The following PTDSS2 variants were observed in gnomAD, a reference collection of about 807,000 sequenced individuals.
PTDSS2 encodes the protein phosphatidylserine synthase 2, also known as PSS-2.
In PTDSS2, 41 loss-of-function variants were observed where a neutral mutation model predicts 64.7. The ratio of observed to expected loss-of-function variants is 0.63; its 90% CI spans 0.49 to 0.82. The LOEUF (loss-of-function observed/expected upper bound fraction) is 0.82, where lower values mean the gene tolerates loss of function less well. PTDSS2 is among the 40% of genes least tolerant of loss of function. The probability of loss-of-function intolerance (pLI) is 0.00; values close to 1 mark genes in which losing one functional copy is unlikely to be tolerated. For synonymous variants in PTDSS2, 297 were observed against 277.8 expected (o/e 1.07, Z -0.69); for missense variants, 485 against 650.0 (o/e 0.75, Z 2.76).
intron 3 of PTDSS2, among the ~76,000 whole-genome samples, chr11:474,723 A>G (rs1847644280): frequency 6.6e-6 from 1 of 152,240 alleles, no homozygotes; most frequent in African/African-American, 2.4e-5. Flanking sequence ...AATTAGAAAC[A>G]TTTTCTGTTT....
intron 1 of PTDSS2, among the ~76,000 whole-genome samples, chr11:457,968 G>A (rs977910142): frequency 2.6e-5 from 4 of 152,200 alleles, no homozygotes; most frequent in Non-Finnish European, 5.9e-5. Flanking sequence ...CTGATGCTGT[G>A]TCGTGGCTTG....
At chr11:474,118 C>T in intron 3 of PTDSS2, 141 bp downstream of exon 3, 5 of 751,054 alleles carry the variant, frequency 6.7e-6, no homozygotes, top group Middle Eastern at 2.5e-4. Flanking sequence ...CCACTTCCCA[C>T]ATGGACAAGG....
chr11:449,037 A>T (rs1455623432), upstream of PTDSS2, among the ~76,000 whole-genome samples: 1 of 150,050 alleles, frequency 6.7e-6, no homozygotes, highest in African/African-American at 2.5e-5. Context: ...CATAATGCGT[A>T]GTCTCCTGTG....
Position 462,830 on chromosome 11 carries a change from A to G in PTDSS2, c.284+2542A>G, listed in dbSNP as rs1564966505. 1 of 152,194 alleles carries G rather than the reference A, an allele frequency of 6.6e-6. No individual in the cohort carries two copies. Among genetic ancestry groups the G allele is most frequent in the East Asian group, 1.9e-4 (1 of 5,194 alleles). The allele number at this position is 152,194 out of a possible 1,614,324, so 9.4% of individuals were successfully genotyped here. On this transcript the variant is annotated intron_variant, in intron 2 of 11. Coordinates refer to ENST00000308020, the MANE Select transcript of PTDSS2 (RefSeq NM_030783.3). This position sits in a 1 kb window ranked among gnomAD's most constrained non-coding sequence, Gnocchi z 4.5. ...CTGTGGGGGCTGGTTTACTTTTAAT[A>G]CTAGAATTATCTGATGTCCTCAAGG...
At chr11:487,540 T>C in intron 6 of PTDSS2, 70 bp downstream of exon 6, 3 of 1,432,652 alleles carry the variant, frequency 2.1e-6, no homozygotes, top group South Asian at 1.1e-5. Flanking sequence ...GGACCGTTTC[T>C]GTCCATGGAG....
chr11:488,176 C>G, intron 6 of PTDSS2, 23 bp from the exon 7 acceptor site: 1 of 1,572,294 alleles, frequency 6.4e-7, no homozygotes, highest in South Asian at 1.1e-5. Flanking sequence ...GTCCCATACT[C>G]TGGCTGACCC....
chr11:454,754 C>T (rs1032269563), intron 1 of PTDSS2, among the ~76,000 whole-genome samples: 1 of 152,120 alleles, frequency 6.6e-6, no homozygotes, highest in Admixed American at 6.6e-5. Flanking sequence ...GCGCCAGTGT[C>T]CTCCAGCCTG....
intron 8 of PTDSS2, 191 bp from the exon 9 acceptor site, chr11:489,209 C>T (rs992036183): frequency 2.1e-5 from 13 of 606,232 alleles, no homozygotes; most frequent in African/African-American, 7.4e-5. Context: ...GGAGAACAGC[C>T]GGGCAGCAGC....
chr11:449,095 T>C (rs1846212122), upstream of PTDSS2, among the ~76,000 whole-genome samples: 1 of 131,528 alleles, frequency 7.6e-6, no homozygotes, highest in African/African-American at 3.0e-5. Context: ...TGAGACGGAG[T>C]CTCGCTCTGT....
chr11:475,117 GATACGGACA>G (rs1847696048), intron 3 of PTDSS2, among the ~76,000 whole-genome samples: 1 of 146,692 alleles, frequency 6.8e-6, no homozygotes, highest in African/African-American at 2.6e-5. Flanking sequence ...GCGTTTGTGT[GATACGGACA>G]TATTCACGCG....
At chr11:449,687 C>T (rs1459567703), upstream of PTDSS2, among the ~76,000 whole-genome samples, 1 of 152,166 alleles carries the variant, frequency 6.6e-6, no homozygotes, top group Non-Finnish European at 1.5e-5. Context: ...CGGTGGCTCG[C>T]GCCTGTAATC....
At chr11:454,507 C>T (rs932429527) in intron 1 of PTDSS2, among the ~76,000 whole-genome samples, 2 of 152,174 alleles carry the variant, frequency 1.3e-5, no homozygotes, top group African/African-American at 4.8e-5. Context: ...AGGAAGGTCT[C>T]TGTCGTGGAA....
chr11:452,429 C>T (rs2133747841), intron 1 of PTDSS2, among the ~76,000 whole-genome samples: 1 of 152,336 alleles, frequency 6.6e-6, no homozygotes, highest in South Asian at 2.1e-4. Flanking sequence ...GGAGCAGCAG[C>T]CCAAAGGTAG....
chr11:454,107 C>T (rs372498449), intron 1 of PTDSS2, among the ~76,000 whole-genome samples: 1 of 152,212 alleles, frequency 6.6e-6, no homozygotes, highest in Non-Finnish European at 1.5e-5. Context: ...CGTCGTGCTG[C>T]GTGTAGGACA....
At chr11:485,303 CTG>C (rs367713826) in intron 4 of PTDSS2, among the ~76,000 whole-genome samples, 1,671 of 126,396 alleles carry the variant, frequency 0.013, 12 homozygotes, top group Non-Finnish European at 0.02. Context: ...TGTGTGCTCA[CTG>C]TGTGCGCAGG....
At chr11:488,486 G>A (rs746045310) in intron 7 of PTDSS2, 43 bp from the exon 8 acceptor site, 37 of 1,553,630 alleles carry the variant, frequency 2.4e-5, no homozygotes, top group Middle Eastern at 1.7e-4. Context: ...CGGGGGGCTC[G>A]TTACCCCTCA....
rs954230679 is a variant in PTDSS2, at chr11:450,401, A to T, written c.-55A>T. On this transcript the variant is annotated 5_prime_UTR_variant, in exon 1 of 12. The change abolishes the stop of an existing upstream ORF in the 5' untranslated region. Transcript: ENST00000308020. ...TGTGCGGCGCGTCCTCTCGCCGGTG[A>T]CCCGGTGTGCGTGGGGTCGAGGCGC... 6.6e-6 allele frequency: 8 copies of T among 1,208,576 alleles called. No individual in the cohort carries two copies. The Admixed American group carries it at 3.4e-4, about 52-fold the overall frequency. 74.9% of individuals were successfully genotyped at this position (1,208,576 alleles called of 1,614,324 possible).
intron 1 of PTDSS2, among the ~76,000 whole-genome samples, chr11:452,149 G>T (rs1464760928): frequency 6.6e-6 from 1 of 152,122 alleles, no homozygotes; most frequent in African/African-American, 2.4e-5. Context: ...CCGGAGCAAG[G>T]AGAACAGACG....
intron 2 of PTDSS2, among the ~76,000 whole-genome samples, chr11:473,489 A>G (rs947546867): frequency 8.5e-5 from 13 of 152,072 alleles, no homozygotes; most frequent in Non-Finnish European, 1.5e-5. Context: ...TCCTGATGTG[A>G]CACTGGGAAC....
Sources: gnomAD v4.1 joint callset for allele counts (sites outside exome capture counted in the v4.1 genomes callset) on GRCh38, gnomAD v4.1.1 for gene constraint, Gnocchi (gnomAD v3.1) non-coding constraint, MANE v1.5 for transcripts, NCBI Gene and HGNC (gene_info 2026-07-23, HGNC 2026-07-21) for gene names.